MTUS1: variants seen among roughly 807,000 people sequenced by gnomAD.
MTUS1 encodes the protein microtubule associated scaffold protein 1.
Under a neutral mutation model 120.8 loss-of-function variants are expected in MTUS1, and 109 were observed. The observed-to-expected ratio is 0.90, with a 90% CI of 0.77 to 1.06. The LOEUF (loss-of-function observed/expected upper bound fraction) is 1.06. Ranked by LOEUF, MTUS1 falls within the 50% of genes least tolerant of loss-of-function variation. MTUS1 has a pLI of 0.00. For missense variants in MTUS1, 2,210 were observed against 1,486.3 expected, an observed-to-expected ratio of 1.49 and a Z score of -8.01; for synonymous variants, 737 against 550.5, an observed-to-expected ratio of 1.34 and a Z score of -4.74.
chr8:17,754,799 G>T lies in MTUS1; in HGVS notation c.1009C>A (p.Leu337Met), dbSNP rs1251938934. 6.2e-7 allele frequency: 1 copy of T among 1,614,236 alleles called. No individual in the cohort carries two copies. Among genetic ancestry groups the T allele is most frequent in the East Asian group, 2.2e-5 (1 of 44,878 alleles). The stretch of plus-strand genomic sequence containing the variant: ...AGACAATAGGACACTGTCTCTCTCA[G>T]ATTTTGGCCCATTTCCTTGTGCCTG... ...SYRHKEMGQN[L>M]RETVSYCLID... Residue 337 changes from leucine to methionine, a missense_variant, in exon 2 of 15, where the codon CTG (leucine) becomes ATG (methionine). By Grantham distance (15) the Leu-to-Met change is conservative. Transcript: ENST00000693296.
At chr8:17,720,329 G>A (rs1354307091) in intron 4 of MTUS1, among the ~76,000 whole-genome samples, 2 of 149,330 alleles carry the variant, frequency 1.3e-5, no homozygotes, top group East Asian at 3.9e-4. Flanking sequence ...TGGGCGACAA[G>A]AGCGAAACTC....
intron 1 of MTUS1, chr8:17,800,706 C>T (rs2052616049): frequency 6.6e-6 from 1 of 152,226 alleles, no homozygotes; most frequent in African/African-American, 2.4e-5. Flanking sequence ...CTATTCCACC[C>T]GCTTTCTCGG....
intron 3 of MTUS1, among the ~76,000 whole-genome samples, chr8:17,724,879 G>C (rs550822301): frequency 6.6e-6 from 1 of 152,214 alleles, no homozygotes; most frequent in South Asian, 2.1e-4. Context: ...GAGTACTCTA[G>C]GTTTTCATCT....
At chr8:17,775,792 T>A (rs2050379311) in intron 1 of MTUS1, among the ~76,000 whole-genome samples, 1 of 152,242 alleles carries the variant, frequency 6.6e-6, no homozygotes, top group Non-Finnish European at 1.5e-5. Flanking sequence ...AGTCTCCTGG[T>A]GAGGCAGCCT....
At chr8:17,658,606 G>A (rs1808980258) in intron 8 of MTUS1, among the ~76,000 whole-genome samples, 1 of 152,204 alleles carries the variant, frequency 6.6e-6, no homozygotes, top group Admixed American at 6.5e-5. Context: ...ATACGACAGG[G>A]TTGCTGGCAA....
chr8:17,782,827 C>T (rs1056602469), intron 1 of MTUS1, among the ~76,000 whole-genome samples: 25 of 152,172 alleles, frequency 1.6e-4, no homozygotes, highest in South Asian at 2.1e-4. Context: ...CCTATAATCC[C>T]AGCACTTTGG....
intron 8 of MTUS1, among the ~76,000 whole-genome samples, chr8:17,670,138 C>G (rs754189514): frequency 6.6e-6 from 1 of 152,122 alleles, no homozygotes; most frequent in Non-Finnish European, 1.5e-5. Context: ...TGAATCATAT[C>G]GACCCTGCCA....
At chr8:17,722,333 AGC>A in intron 4 of MTUS1, 5 of 967,856 alleles carry the variant, frequency 5.2e-6, no homozygotes, top group Non-Finnish European at 4.9e-6. Context: ...GTTTTTCTAG[AGC>A]ATGTTGGTGA....
At position 17,754,314 on chromosome 8, in the gene MTUS1, T is replaced by G; in HGVS notation, c.1494A>C (p.Glu498Asp). The G allele has an allele frequency of 6.2e-7, 1 of 1,614,118 alleles. No homozygotes were observed. ...TPIGCKVRKT[E>D]IISYPRPNFK... ...AGTTTGGTCTTGGGTAACTTATAAT[T>G]TCAGTTTTTCTAACTTTGCAGCCTA... is the stretch of plus-strand genomic sequence containing the variant. Residue 498 changes from glutamate (E) to aspartate (D), a missense_variant, in exon 2 of 15, where the codon GAA becomes GAC. Transcript: ENST00000693296.
chr8:17,789,032 T>C lies in MTUS1; in HGVS notation c.-155+12029A>G, dbSNP rs10101670. ...ATGTACAGACTGTGCATGCTTTTAG[T>C]TGTCTTTTTTTTTTTTTGAGACGGA... On this transcript the variant is annotated intron_variant, in intron 1 of 14. Coordinates refer to ENST00000693296, the MANE Select transcript of MTUS1 (RefSeq NM_001363059.2). Among the ~76,000 whole-genome samples, 840 of 149,012 alleles carry C rather than the reference T, an allele frequency of 5.6e-3. 8 individuals carry two copies. Among genetic ancestry groups the C allele is most frequent in the African/African-American group, 0.021 (803 of 38,622 alleles).
At chr8:17,678,516 G>A (rs930716736) in intron 7 of MTUS1, among the ~76,000 whole-genome samples, 1 of 152,086 alleles carries the variant, frequency 6.6e-6, no homozygotes, top group African/African-American at 2.4e-5. Flanking sequence ...TGGTCCCATC[G>A]GTGTGCCTGC....
At chr8:17,750,272 G>T (rs889586607) in intron 2 of MTUS1, among the ~76,000 whole-genome samples, 6 of 152,188 alleles carry the variant, frequency 3.9e-5, no homozygotes, top group African/African-American at 1.2e-4. Flanking sequence ...GCCAAGAAAA[G>T]CAAGTGACTG....
intron 8 of MTUS1, among the ~76,000 whole-genome samples, chr8:17,657,129 T>C (rs1686508229): frequency 6.6e-6 from 1 of 151,394 alleles, no homozygotes; most frequent in Non-Finnish European, 1.5e-5. Flanking sequence ...TGATTATAAT[T>C]TGTTATTTCA....
chr8:17,667,508 G>A (rs1811155643), intron 8 of MTUS1, among the ~76,000 whole-genome samples: 1 of 152,180 alleles, frequency 6.6e-6, no homozygotes, highest in African/African-American at 2.4e-5. Context: ...TAGACACTGG[G>A]TTAAGTGTTG....
At chr8:17,656,925 G>C (rs1808402302) in intron 8 of MTUS1, among the ~76,000 whole-genome samples, 1 of 150,970 alleles carries the variant, frequency 6.6e-6, no homozygotes, top group South Asian at 2.1e-4. Context: ...CGGGTGTGGT[G>C]GTGGGCGCCT....
intron 8 of MTUS1, among the ~76,000 whole-genome samples, chr8:17,668,435 A>T (rs1430472098): frequency 2.0e-5 from 3 of 152,220 alleles, no homozygotes; most frequent in African/African-American, 7.2e-5. Context: ...GTTATTCAAC[A>T]TGACTCTGGA....
At chr8:17,665,671 A>G (rs1255690202) in intron 8 of MTUS1, among the ~76,000 whole-genome samples, 4 of 152,140 alleles carry the variant, frequency 2.6e-5, no homozygotes, top group African/African-American at 9.7e-5. Flanking sequence ...CTAGAACTCC[A>G]GCCTCTTTGA....
At chr8:17,745,521 G>A (rs2047676919) in intron 2 of MTUS1, among the ~76,000 whole-genome samples, 1 of 152,076 alleles carries the variant, frequency 6.6e-6, no homozygotes, top group Non-Finnish European at 1.5e-5. Context: ...TAGATACAGA[G>A]GGCTGACTGT....
At chr8:17,777,190 A>C (rs958001044) in intron 1 of MTUS1, among the ~76,000 whole-genome samples, 1 of 152,022 alleles carries the variant, frequency 6.6e-6, no homozygotes, top group African/African-American at 2.4e-5. Context: ...TAACCCCAGC[A>C]CTTTGGGAGG....
Sources: gnomAD v4.1 joint callset for allele counts (sites outside exome capture counted in the v4.1 genomes callset) on GRCh38, gnomAD v4.1.1 for gene constraint, MANE v1.5 for transcripts, NCBI Gene and HGNC (gene_info 2026-07-23, HGNC 2026-07-21) for gene names.